MCTP2: variants seen among roughly 807,000 people sequenced by gnomAD.
MCTP2 encodes multiple C2 and transmembrane domain containing 2.
In MCTP2, 132 loss-of-function variants were observed where a neutral mutation model predicts 111.6. That is an observed-to-expected ratio of 1.18 (90% CI 1.03 to 1.37). The LOEUF is 1.37. MCTP2 is among the 40% of genes most tolerant of loss of function. The probability of loss-of-function intolerance (pLI) is 0.00; values close to 1 mark genes in which losing one functional copy is unlikely to be tolerated. For missense variants in MCTP2, 1,183 were observed against 1,067.9 expected, an observed-to-expected ratio of 1.11 and a Z score of -1.50; for synonymous variants, 395 against 387.7, an observed-to-expected ratio of 1.02 and a Z score of -0.22.
At chr15:94,367,886 A>G (rs1377433978) in intron 11 of MCTP2, 95 bp downstream of exon 11, 1 of 1,091,086 alleles carries the variant, frequency 9.2e-7, no homozygotes, top group Non-Finnish European at 1.3e-6. Flanking sequence ...TTGAAAAACT[A>G]CATCAAAAGA....
At chr15:94,476,312 C>G (rs905254918) in intron 21 of MCTP2, 3 of 162,854 alleles carry the variant, frequency 1.8e-5, no homozygotes, top group African/African-American at 7.2e-5. Flanking sequence ...TGTTAATCAG[C>G]GTATTCCAAA....
intron 2 of MCTP2, 91 bp downstream of exon 2, chr15:94,298,821 T>G: frequency 3.7e-6 from 2 of 538,902 alleles, no homozygotes; most frequent in Non-Finnish European, 5.4e-6. Flanking sequence ...TCCCTCTCTC[T>G]TCCCCCCTCC....
rs150030559 is a variant in MCTP2, at chr15:94,371,488, A to G, written c.1582+1308A>G. 1.5e-3 allele frequency among the ~76,000 whole-genome samples: 235 copies of G among 152,312 alleles called. 1 individual carries two copies. Among genetic ancestry groups the G allele is most frequent in the African/African-American group, 5.5e-3 (227 of 41,572 alleles). On this transcript the variant is annotated intron_variant, in intron 12 of 22. Transcript: ENST00000357742. The stretch of plus-strand genomic sequence containing the variant: ...TTTTTAATTCCATGTAATTGTTTAC[A>G]TGCAGCGCTTTTCGAATGCACTGTT...
intron 17 of MCTP2, among the ~76,000 whole-genome samples, chr15:94,434,686 A>G (rs1011874178): frequency 2.0e-5 from 3 of 151,988 alleles, no homozygotes; most frequent in Non-Finnish European, 4.4e-5. Context: ...ATGTGGATCT[A>G]TTTCTGGACT....
chr15:94,475,063 A>G (rs2052615194), intron 21 of MCTP2, among the ~76,000 whole-genome samples: 1 of 152,164 alleles, frequency 6.6e-6, no homozygotes, highest in Non-Finnish European at 1.5e-5. Flanking sequence ...AATAGAAGAT[A>G]TATCTGTTCT....
intron 12 of MCTP2, among the ~76,000 whole-genome samples, chr15:94,380,775 A>T (rs924133618): frequency 6.6e-6 from 1 of 151,982 alleles, no homozygotes; most frequent in Non-Finnish European, 1.5e-5. Flanking sequence ...CTCAAAAAAA[A>T]AAAAGGGGGG....
At chr15:94,271,334 A>C (rs1180580857) in intron 1 of MCTP2, among the ~76,000 whole-genome samples, 1 of 152,206 alleles carries the variant, frequency 6.6e-6, no homozygotes, top group African/African-American at 2.4e-5. Context: ...ATCTCTTTTA[A>C]TTGAAGGAAG....
intron 17 of MCTP2, among the ~76,000 whole-genome samples, chr15:94,411,904 T>C (rs1440935817): frequency 6.6e-6 from 1 of 152,200 alleles, no homozygotes; most frequent in Non-Finnish European, 1.5e-5. Flanking sequence ...AAATGACTTT[T>C]CTATTGCTTC....
At chr15:94,305,034 G>T (rs1326915186) in intron 2 of MCTP2, among the ~76,000 whole-genome samples, 1 of 152,074 alleles carries the variant, frequency 6.6e-6, no homozygotes, top group Admixed American at 6.5e-5. Context: ...GGGTGCTGAC[G>T]GATAAAGAGT....
intron 1 of MCTP2, among the ~76,000 whole-genome samples, chr15:94,270,548 G>T (rs2073853063): frequency 6.6e-6 from 1 of 151,950 alleles, no homozygotes; most frequent in Non-Finnish European, 1.5e-5. Flanking sequence ...GTCATCTCCT[G>T]GTGGTCCCCC....
chr15:94,309,521 G>A (rs951745882), intron 2 of MCTP2, among the ~76,000 whole-genome samples: 8 of 152,140 alleles, frequency 5.3e-5, no homozygotes, highest in Non-Finnish European at 5.9e-5. Flanking sequence ...TCCTGTGTGT[G>A]CCTCATAGTA....
At chr15:94,461,558 T>G (rs577713553) in intron 20 of MCTP2, among the ~76,000 whole-genome samples, 1 of 152,288 alleles carries the variant, frequency 6.6e-6, no homozygotes, top group African/African-American at 2.4e-5. Flanking sequence ...TCTATCATTA[T>G]GGAGTGAGGG....
rs537556900 is a variant in MCTP2, at chr15:94,282,985, G to GT, written c.-65-15215dup. On this transcript the variant is annotated intron_variant, in intron 1 of 22. Transcript: ENST00000357742. ...GGGGGCTGCCAATAAAAGTGATCCA[G>GT]TGGGGCGGTGGTGTGTCGTTATATG... Among the ~76,000 whole-genome samples the GT allele has an allele frequency of 3.7e-3, 562 of 152,262 alleles. 2 individuals carry two copies. Among genetic ancestry groups the GT allele is most frequent in the African/African-American group, 0.013 (527 of 41,568 alleles).
intron 1 of MCTP2, among the ~76,000 whole-genome samples, chr15:94,264,975 G>A (rs12908332): frequency 0.4 from 61,462 of 151,914 alleles, 13,153 homozygotes; most frequent in Admixed American, 0.5. Flanking sequence ...TTTTTTTCAG[G>A]GAGCACACAT....
chr15:94,435,972 A>G (rs1272444593), intron 17 of MCTP2, among the ~76,000 whole-genome samples: 2 of 152,104 alleles, frequency 1.3e-5, no homozygotes, highest in African/African-American at 4.8e-5. Flanking sequence ...AAGGCATTTA[A>G]TTTTATTAGA....
rs539847073 is a variant in MCTP2 at position 94,243,107 on chromosome 15, A to G, written c.-66+11443A>G. Among the ~76,000 whole-genome samples the G allele has an allele frequency of 2.8e-5, 4 of 142,856 alleles. 1 individual carries two copies. The East Asian group carries it at 8.8e-4, about 32-fold the overall frequency. The allele number at this position is 142,856 out of a possible 152,430, so 93.7% of individuals were successfully genotyped here. Reference sequence around the variant, plus strand: ...CACATATACGTGTATATGTGTATCTACGGGTGTGTATATATGTATCTACGG... The same window carrying G: ...CACATATACGTGTATATGTGTATCTGCGGGTGTGTATATATGTATCTACGG... On this transcript the variant is annotated intron_variant, in intron 1 of 22. Coordinates refer to ENST00000357742, the MANE Select transcript of MCTP2 (RefSeq NM_001385001.1).
At chr15:94,266,361 T>C (rs1158495123) in intron 1 of MCTP2, among the ~76,000 whole-genome samples, 1 of 152,190 alleles carries the variant, frequency 6.6e-6, no homozygotes, top group Non-Finnish European at 1.5e-5. Context: ...TATTTGTCTG[T>C]CTCCTCCTCC....
At position 94,339,201 on chromosome 15, in the gene MCTP2, G is replaced by A. The variant is rs138114766; in HGVS notation, c.638-89G>A. 513 of 929,654 alleles carry A rather than the reference G, an allele frequency of 5.5e-4. 4 individuals carry two copies. The East Asian group carries it at 0.013, about 23-fold the overall frequency. The allele number at this position is 929,654 out of a possible 1,614,324, so 57.6% of individuals were successfully genotyped here. A position where few individuals can be genotyped will look rare whatever the true frequency, so the allele number is the denominator to read the frequency against. On this transcript the variant is annotated intron_variant, in intron 4 of 22. Transcript: ENST00000357742. ...CTCTGTGCAGGGAGACATTAGCCTGGGGAGTGGGGAAAGGATCTTTATTTA... is the reference window on the plus strand; with the variant it reads ...CTCTGTGCAGGGAGACATTAGCCTGAGGAGTGGGGAAAGGATCTTTATTTA...
intron 21 of MCTP2, among the ~76,000 whole-genome samples, chr15:94,472,208 T>A (rs2073986379): frequency 6.6e-6 from 1 of 152,142 alleles, no homozygotes; most frequent in Admixed American, 6.5e-5. Flanking sequence ...TGAAACCCTG[T>A]TTCTACCAAA....
Sources: allele counts gnomAD v4.1 joint callset (sites outside exome capture counted in the v4.1 genomes callset), GRCh38; gene constraint gnomAD v4.1.1; transcripts MANE v1.5; gene names NCBI Gene and HGNC (gene_info 2026-07-23, HGNC 2026-07-21).